MLLT10: variants seen among roughly 807,000 people sequenced by gnomAD.
MLLT10 encodes protein AF-10.
MLLT10 carries 30 observed loss-of-function variants against 129.1 expected under a neutral mutation model. That is an observed-to-expected ratio of 0.23 (90% CI 0.17 to 0.32). MLLT10 has a LOEUF of 0.32. MLLT10 is among the 10% of genes least tolerant of loss of function. MLLT10 has a pLI of 1.00. For missense variants in MLLT10, 1,119 were observed against 1,268.3 expected, an observed-to-expected ratio of 0.88 and a Z score of 1.79; for synonymous variants, 490 against 446.4, an observed-to-expected ratio of 1.10 and a Z score of -1.23.
At chr10:21,662,986 A>G (rs2050372058) in intron 9 of MLLT10, among the ~76,000 whole-genome samples, 1 of 152,080 alleles carries the variant, frequency 6.6e-6, no homozygotes, top group African/African-American at 2.4e-5. Flanking sequence ...TCCCTTCCCT[A>G]GGTTAGTTAG....
intron 21 of MLLT10, among the ~76,000 whole-genome samples, chr10:21,737,817 AT>A (rs1314425392): frequency 6.6e-6 from 1 of 152,160 alleles, no homozygotes; most frequent in Non-Finnish European, 1.5e-5. Context: ...GCATTGCTTA[AT>A]TAACATAGAA....
At position 21,541,976 on chromosome 10, in the gene MLLT10, C is replaced by CT. The variant is rs532293208; in HGVS notation, c.240+3072dup. Among the ~76,000 whole-genome samples the CT allele has an allele frequency of 3.2e-4, 48 of 152,082 alleles. No homozygotes were observed. In the East Asian group the frequency reaches 8.1e-3, roughly 26 times the overall value. ...AAATCTTTATAGCGTTACTCTTTGA[C>CT]TTTTTTTTCTTTGTATCATGTTACG... On this transcript the variant is annotated intron_variant, in intron 3 of 22. Transcript: ENST00000307729.
intron 8 of MLLT10, chr10:21,625,877 C>T (rs965230478): frequency 3.3e-5 from 26 of 780,232 alleles, no homozygotes; most frequent in Admixed American, 1.7e-4. Flanking sequence ...CCAAATGGGA[C>T]TGGCCTTCTC....
intron 3 of MLLT10, among the ~76,000 whole-genome samples, chr10:21,565,497 C>T (rs1398899833): frequency 5.9e-5 from 9 of 151,610 alleles, no homozygotes; most frequent in African/African-American, 1.2e-4. Flanking sequence ...TTAGTAGAGA[C>T]GGGGTTTCAC....
In MLLT10 at chr10:21,628,431, C is replaced by CTTT. The variant is rs774410121; in HGVS notation, c.699+11244_699+11246dup. 3.6e-3 allele frequency among the ~76,000 whole-genome samples: 418 copies of CTTT among 115,966 alleles called. 9 individuals are homozygous for CTTT. Among genetic ancestry groups the CTTT allele is most frequent in the African/African-American group, 9.5e-3 (275 of 28,892 alleles). The allele number at this position is 115,966 out of a possible 152,430, so 76.1% of individuals were successfully genotyped here. ...AGACTAAAGCTGAAGGATGCTCTCT[C>CTTT]TTTTTTTTTTTTTTTTTTTTTTGAG... On this transcript the variant is annotated intron_variant, in intron 8 of 22. Transcript: ENST00000307729.
In MLLT10 at chr10:21,534,788, C is replaced by T. The variant is rs200260532; in HGVS notation, c.144C>T (p.Ser48=). 39 of 1,608,934 alleles carry T rather than the reference C, an allele frequency of 2.4e-5. No homozygotes were observed. The highest frequency in any genetic ancestry group is 2.9e-5 in the Non-Finnish European group (34 of 1,177,412). Residue 48 remains serine (S), a synonymous_variant, in exon 2 of 23, where the codon AGC becomes AGT. Transcript: ENST00000307729. ...PLVYCDGHGC[S]VAVHQACYGI... ...TTTATTGCGACGGGCACGGCTGCAG[C>T]GTCGCGGTGCATCAAGGTAAACACC...
At chr10:21,628,428 TC>T (rs1418008446) in intron 8 of MLLT10, among the ~76,000 whole-genome samples, 5 of 147,024 alleles carry the variant, frequency 3.4e-5, no homozygotes, top group African/African-American at 1.3e-4. Flanking sequence ...AAGGATGCTC[TC>T]TCTTTTTTTT....
chr10:21,717,780 G>GCTT (rs139007268), intron 14 of MLLT10, among the ~76,000 whole-genome samples: 64 of 51,508 alleles, frequency 1.2e-3, no homozygotes, highest in African/African-American at 1.6e-3. Flanking sequence ...TGCTGCTGCT[G>GCTT]CTTCTTCTTC....
chr10:21,603,989 A>G (rs1348385757), intron 5 of MLLT10, among the ~76,000 whole-genome samples: 4 of 152,032 alleles, frequency 2.6e-5, no homozygotes, highest in Non-Finnish European at 4.4e-5. Context: ...TACATTTGCA[A>G]TGATCCTTTT....
At chr10:21,711,695 T>C (rs1279510026) in intron 13 of MLLT10, among the ~76,000 whole-genome samples, 3 of 151,362 alleles carry the variant, frequency 2.0e-5, no homozygotes, top group Non-Finnish European at 4.4e-5. Flanking sequence ...CAGTGAGCTA[T>C]GATTGCACCA....
At chr10:21,625,439 A>G in intron 8 of MLLT10, 4 of 917,988 alleles carry the variant, frequency 4.4e-6, no homozygotes, top group African/African-American at 1.6e-5. Context: ...GAATACTTTT[A>G]CCTTAGCCAT....
chr10:21,556,406 G>C (rs1046780569), intron 3 of MLLT10, among the ~76,000 whole-genome samples: 12 of 152,042 alleles, frequency 7.9e-5, no homozygotes, highest in African/African-American at 2.9e-4. Flanking sequence ...TCACCTGTTT[G>C]GGGTTGACAA....
intron 2 of MLLT10, among the ~76,000 whole-genome samples, chr10:21,537,517 T>TG (rs1461630363): frequency 1.3e-5 from 2 of 152,030 alleles, no homozygotes; most frequent in African/African-American, 4.8e-5. Context: ...CAGGCTGGAG[T>TG]GCAGTGGCGT....
chr10:21,568,291 T>C (rs1174282842), intron 3 of MLLT10, among the ~76,000 whole-genome samples: 1 of 152,238 alleles, frequency 6.6e-6, no homozygotes, highest in East Asian at 1.9e-4. Context: ...TCTCCACCTT[T>C]CAGAGAAAAT....
At chr10:21,536,278 T>TAAA (rs2033985636) in intron 2 of MLLT10, among the ~76,000 whole-genome samples, 1 of 152,182 alleles carries the variant, frequency 6.6e-6, no homozygotes, top group Non-Finnish European at 1.5e-5. Flanking sequence ...CATGTCTTGC[T>TAAA]TTTTTAGGGA....
At chr10:21,677,227 C>T (rs2052260969) in intron 11 of MLLT10, among the ~76,000 whole-genome samples, 1 of 152,138 alleles carries the variant, frequency 6.6e-6, no homozygotes, top group Non-Finnish European at 1.5e-5. Flanking sequence ...CAAATTTGAA[C>T]CAATAATTTA....
At chr10:21,631,408 C>G (rs1380052540) in intron 8 of MLLT10, among the ~76,000 whole-genome samples, 4 of 147,658 alleles carry the variant, frequency 2.7e-5, no homozygotes, top group Non-Finnish European at 5.9e-5. Context: ...TTAAGATGAA[C>G]TATGTCTGAC....
intron 14 of MLLT10, among the ~76,000 whole-genome samples, chr10:21,720,945 G>A (rs1251405433): frequency 6.6e-6 from 1 of 152,146 alleles, no homozygotes; most frequent in African/African-American, 2.4e-5. Context: ...TGGAAATTGA[G>A]GACAGAGAGG....
chr10:21,688,573 A>C, intron 13 of MLLT10: 1 of 1,570,724 alleles, frequency 6.4e-7, no homozygotes. Flanking sequence ...TCTAAACATA[A>C]TAGTGTTAAA....
Sources: gnomAD v4.1 joint callset for allele counts (sites outside exome capture counted in the v4.1 genomes callset) on GRCh38, gnomAD v4.1.1 for gene constraint, MANE v1.5 for transcripts, NCBI Gene and HGNC (gene_info 2026-07-23, HGNC 2026-07-21) for gene names.